Variants in ABCA2 observed in about 807,000 individuals in gnomAD.
ABCA2 encodes the protein ATP binding cassette subfamily A member 2.
Under a neutral mutation model 262.8 loss-of-function variants are expected in ABCA2, and 84 were observed. The observed-to-expected ratio is 0.32, with a 90% CI of 0.27 to 0.38. ABCA2 has a LOEUF of 0.38. Ranked by LOEUF, ABCA2 falls within the 10% of genes least tolerant of loss-of-function variation. ABCA2 has a pLI of 1.00. For synonymous variants in ABCA2, 1,696 were observed against 1,502.9 expected (o/e 1.13, Z -2.97); for missense variants, 2,662 against 3,405.9 (o/e 0.78, Z 5.44).
In ABCA2 at chr9:137,021,410, C is replaced by T. The variant is rs1300007283; in HGVS notation, c.879G>A (p.Val293=). 3 of 1,608,886 alleles carry T rather than the reference C, an allele frequency of 1.9e-6. No homozygotes were observed. The highest frequency in any genetic ancestry group is 1.7e-6 in the Non-Finnish European group (2 of 1,179,802). ...GCCTCACCTGCTGGGAGACCTTGGCCACGTCCAGCTGGTTCCGGAGCTCAG... is the reference window on the plus strand; with the variant it reads ...GCCTCACCTGCTGGGAGACCTTGGCTACGTCCAGCTGGTTCCGGAGCTCAG... ...LSAELRNQLD[V]AKVSQQLGLD... is the part of the protein sequence containing the mutation. Residue 293 remains valine, a synonymous_variant, in exon 8 of 49, where the codon GTG becomes GTA. Transcript: ENST00000341511. This position sits in a 1 kb window ranked among gnomAD's most constrained non-coding sequence, Gnocchi z 6.0.
At position 137,022,340 on chromosome 9, in the gene ABCA2, C is replaced by T. The variant is rs889180369; in HGVS notation, c.567+11G>A. On this transcript the variant is annotated intron_variant, in intron 6 of 48. Coordinates refer to ENST00000341511, the MANE Select transcript of ABCA2 (RefSeq NM_001606.5). The stretch of plus-strand genomic sequence containing the variant: ...GGGAGTGGCCAGGGCTGGGAGCTGT[C>T]CCTGCCTTACCTCGGGCGGGTCCAC... The T allele has an allele frequency of 6.3e-7, 1 of 1,594,048 alleles. No homozygotes were observed. The highest frequency in any genetic ancestry group is 8.5e-7 in the Non-Finnish European group (1 of 1,171,122).
Position 137,022,458 on chromosome 9 carries a change from A to G in ABCA2, c.460T>C (p.Ser154Pro), listed in dbSNP as rs1831505176. The G allele has an allele frequency of 6.2e-7, 1 of 1,611,764 alleles. No individual in the cohort carries two copies. Among genetic ancestry groups the G allele is most frequent in the Non-Finnish European group, 8.5e-7 (1 of 1,179,726 alleles). Residue 154 changes from serine (S) to proline (P), a missense_variant, in exon 6 of 49, where the codon TCG becomes CCG. Ser to Pro is a moderately conservative substitution (Grantham distance 74). Around this residue, in one of 12 missense-constraint regions of ABCA2, gnomAD observed 403 missense variants for 375.9 expected, o/e 1.07. Transcript: ENST00000341511. ...AGCTCCTGCGGGTTTCTGGCCACCGAGTCCAGAGAGAAGGAAGACACTGGA... is the reference window on the plus strand; with the variant it reads ...AGCTCCTGCGGGTTTCTGGCCACCGGGTCCAGAGAGAAGGAAGACACTGGA... ...RSTVSSFSLDSVARNPQELWR... is the reference protein window; with the variant it reads ...RSTVSSFSLDPVARNPQELWR...
At chr9:137,027,990 CG>C (rs1407195436) in intron 1 of ABCA2, 84 bp downstream of exon 1, 19 of 770,024 alleles carry the variant, frequency 2.5e-5, no homozygotes, top group Non-Finnish European at 2.8e-5. Flanking sequence ...CGCGCCCGGC[CG>C]TCCGCACGTG....
chr9:137,011,205 G>T lies in ABCA2; in HGVS notation c.5904C>A (p.Asn1968Lys). The change falls in exon 38 of 49, where the codon AAC becomes AAA. Residue 1968 changes from asparagine to lysine, a missense_variant. By Grantham distance (94) the Asn-to-Lys change is moderately conservative (BLOSUM62 0). This residue lies in a region of ABCA2 where 602 missense variants were observed against 897.4 expected (regional missense o/e 0.67). Transcript: ENST00000341511. The surrounding 1 kb of genome is among the most constrained non-coding windows in gnomAD (Gnocchi z 8.8). ...CCTCACCAATCTTGGCGTAGTACTC[G>T]TTGATGTACTCGTTGTAGGCCATCT... The part of the protein sequence containing the change: ...LMEMAYNEYI[N>K]EYYAKIGQFD... 1.9e-6 allele frequency: 3 copies of T among 1,612,496 alleles called. No homozygotes were observed.
Position 137,021,624 on chromosome 9 carries a change from A to G in ABCA2, c.679-14T>C, listed in dbSNP as rs1831457053. 2.6e-6 allele frequency: 4 copies of G among 1,545,954 alleles called. No individual in the cohort carries two copies. The highest frequency in any genetic ancestry group is 8.7e-7 in the Non-Finnish European group (1 of 1,146,392). On this transcript the variant is annotated splice_polypyrimidine_tract_variant and intron_variant, in intron 7 of 48. Transcript: ENST00000341511. The surrounding 1 kb of genome is among the most constrained non-coding windows in gnomAD (Gnocchi z 6.0). Reference sequence around the variant, plus strand: ...CAGCAGCAGCTCCTGGGATGGGCACAGGGGTCCGTGGAGCCACGGCAAGGA... The same window carrying G: ...CAGCAGCAGCTCCTGGGATGGGCACGGGGGTCCGTGGAGCCACGGCAAGGA...
chr9:137,019,296 G>C lies in ABCA2; in HGVS notation c.1436C>G (p.Thr479Ser), dbSNP rs1831372723. ...AGTCACGTTGCCCACAAAAGCAAAAGTCTCGTTGGCCTGCAGGGGGTGAGG... is the reference window on the plus strand; with the variant it reads ...AGTCACGTTGCCCACAAAAGCAAAACTCTCGTTGGCCTGCAGGGGGTGAGG... ...VDRVILKANETFAFVGNVTHY... is the reference protein window; with the variant it reads ...VDRVILKANESFAFVGNVTHY... Residue 479 changes from threonine (T) to serine (S), a missense_variant, in exon 11 of 49, where the codon ACT becomes AGT. Coordinates refer to ENST00000341511, the MANE Select transcript of ABCA2 (RefSeq NM_001606.5). This position sits in a 1 kb window ranked among gnomAD's most constrained non-coding sequence, Gnocchi z 4.4. The C allele has an allele frequency of 6.2e-7, 1 of 1,612,476 alleles. No individual in the cohort carries two copies. The highest frequency in any genetic ancestry group is 1.1e-5 in the South Asian group (1 of 91,088).
In ABCA2 at chr9:137,010,176, C is replaced by A; in HGVS notation, c.6353+17G>T. The A allele has an allele frequency of 1.3e-6, 2 of 1,596,610 alleles. No homozygotes were observed. The highest frequency in any genetic ancestry group is 1.7e-4 in the Middle Eastern group (1 of 6,042). ...TGAGGACGCGGCGGCCCCGCCCACCCAGGGCTCCCGCCCCACCTGTGTCCA... is the reference window on the plus strand; with the variant it reads ...TGAGGACGCGGCGGCCCCGCCCACCAAGGGCTCCCGCCCCACCTGTGTCCA... On this transcript the variant is annotated intron_variant, in intron 41 of 48. Transcript: ENST00000341511.
chr9:137,017,365 C>T lies in ABCA2; in HGVS notation c.2403-19G>A, dbSNP rs373271154. The T allele has an allele frequency of 3.5e-5, 56 of 1,611,596 alleles. No homozygotes were observed. Among genetic ancestry groups the T allele is most frequent in the East Asian group, 6.7e-5 (3 of 44,854 alleles). Reference sequence around the variant, plus strand: ...CAGGAAGCTGGGTGGGCAGGGGCCACGCGCACCGTCATCCACCCGCACGCC... The same window carrying T: ...CAGGAAGCTGGGTGGGCAGGGGCCATGCGCACCGTCATCCACCCGCACGCC... On this transcript the variant is annotated intron_variant, in intron 17 of 48. Coordinates refer to ENST00000341511, the MANE Select transcript of ABCA2 (RefSeq NM_001606.5).
chr9:137,008,878 G>T lies in ABCA2; in HGVS notation c.6931-10C>A. 6.2e-7 allele frequency: 1 copy of T among 1,603,710 alleles called. No individual in the cohort carries two copies. Among genetic ancestry groups the T allele is most frequent in the Admixed American group, 1.7e-5 (1 of 59,844 alleles). The stretch of plus-strand genomic sequence containing the variant: ...TTGTGTGGTGCCGCTCCTGCAGGGG[G>T]GGAGGTCAGAGGCCTGGCAGCGCCC... On this transcript the variant is annotated splice_polypyrimidine_tract_variant and intron_variant, in intron 46 of 48. Transcript: ENST00000341511.
chr9:137,022,257 ACTCAGGC>A, intron 6 of ABCA2, 87 bp downstream of exon 6: 1 of 1,437,616 alleles, frequency 7.0e-7, no homozygotes, highest in Non-Finnish European at 9.2e-7. Flanking sequence ...TCTGGGCGTG[ACTCAGGC>A]TGAGCATCCT....
At chr9:137,009,297 C>G (rs1377561619) in intron 45 of ABCA2, 73 bp downstream of exon 45, 1 of 1,367,374 alleles carries the variant, frequency 7.3e-7, no homozygotes, top group Admixed American at 2.2e-5. Context: ...CAGCCACCCC[C>G]ACTCCTGGCC....
chr9:137,014,611 C>T lies in ABCA2; in HGVS notation c.4003+79G>A. The T allele has an allele frequency of 5.9e-6, 9 of 1,534,814 alleles. No individual in the cohort carries two copies. In the South Asian group the frequency reaches 1.1e-4, roughly 19 times the overall value. On this transcript the variant is annotated intron_variant, in intron 26 of 48. Transcript: ENST00000341511. The stretch of plus-strand genomic sequence containing the variant: ...AGGACCAGGGTGGCGCCCCCAGACA[C>T]CAGGCAGGAGTGACAGCGCAGGCCC...
intron 33 of ABCA2, 27 bp downstream of exon 33, chr9:137,012,238 C>T (rs763818238): frequency 4.4e-6 from 7 of 1,588,824 alleles, no homozygotes; most frequent in South Asian, 2.2e-5. Flanking sequence ...CTCCCCGCCC[C>T]GCCCCGCCCT....
At position 137,009,499 on chromosome 9, in the gene ABCA2, C is replaced by T. The variant is rs993891414; in HGVS notation, c.6735-37G>A. The T allele has an allele frequency of 4.5e-6, 7 of 1,553,990 alleles. No homozygotes were observed. In the African/African-American group the frequency reaches 6.8e-5, roughly 15 times the overall value. On this transcript the variant is annotated intron_variant, in intron 44 of 48. Transcript: ENST00000341511. ...GCACAGGCTGGCACCGGAAGGGGTG[C>T]TGTGGGGTGGGGGCACAAAGAGGGG...
Position 137,010,126 on chromosome 9 carries a change from T to C in ABCA2, c.6354-2A>G. ...ACCTGGAGCAGCTCCTTCAGCACGC[T>C]GGGGACACGGCAGCTGTCAGCGCGT... On this transcript the variant is annotated splice_acceptor_variant, in intron 41 of 48. Coordinates refer to ENST00000341511, the MANE Select transcript of ABCA2 (RefSeq NM_001606.5). LOFTEE classifies it high-confidence loss of function. The C allele has an allele frequency of 6.3e-7, 1 of 1,592,626 alleles. No homozygotes were observed. Among genetic ancestry groups the C allele is most frequent in the Non-Finnish European group, 8.5e-7 (1 of 1,174,812 alleles).
At chr9:137,025,825 T>TG (rs1455464777) in intron 1 of ABCA2, among the ~76,000 whole-genome samples, 1 of 151,938 alleles carries the variant, frequency 6.6e-6, no homozygotes, top group Non-Finnish European at 1.5e-5. Context: ...CACGAGCTAC[T>TG]GGGAGGAGGA....
rs1471103185 is a variant in ABCA2 at position 137,023,856 on chromosome 9, G to A, written c.161-16C>T. On this transcript the variant is annotated splice_polypyrimidine_tract_variant and intron_variant, in intron 2 of 48. Transcript: ENST00000341511. ...CACTTACAGACTGCATGCCAGCCGA[G>A]GACAAGAGACCATGCGGGGAGGGAG... 4.7e-6 allele frequency: 4 copies of A among 853,816 alleles called. No homozygotes were observed. Among genetic ancestry groups the A allele is most frequent in the Non-Finnish European group, 8.1e-6 (4 of 496,374 alleles). The allele number at this position is 853,816 out of a possible 1,614,324, so 52.9% of individuals were successfully genotyped here.
At position 137,013,303 on chromosome 9, in the gene ABCA2, G is replaced by C. The variant is rs534868005; in HGVS notation, c.4566C>G (p.Pro1522=). ...TCACGAGCTGCTGGGGGCTGGCGTC[G>C]GGCGATAGCCGCAGCCTGCGGGCAC... ...ERREYRLRLS[P]DASPQQLVST... Residue 1522 remains proline (P), a synonymous_variant, in exon 30 of 49, where the codon CCC becomes CCG. Transcript: ENST00000341511. The C allele has an allele frequency of 1.5e-5, 24 of 1,558,474 alleles. No individual in the cohort carries two copies. The East Asian group carries it at 3.7e-4, about 24-fold the overall frequency.
chr9:137,010,884 C>G, intron 39 of ABCA2, 89 bp downstream of exon 39: 1 of 706,864 alleles, frequency 1.4e-6, no homozygotes. Flanking sequence ...CTGCCCCATC[C>G]CTGCCCCCAC....
Sources: gnomAD v4.1 joint callset for allele counts (sites outside exome capture counted in the v4.1 genomes callset) on GRCh38, gnomAD v4.1.1 for gene constraint, gnomAD v4.1.1 regional missense constraint, Gnocchi (gnomAD v3.1) non-coding constraint, MANE v1.5 for transcripts, NCBI Gene and HGNC (gene_info 2026-07-23, HGNC 2026-07-21) for gene names.